The following ARHGAP26 variants were observed in gnomAD, a reference collection of about 807,000 sequenced individuals.
The protein encoded by ARHGAP26 is rho GTPase-activating protein 26.
ARHGAP26 carries 38 observed loss-of-function variants against 104.8 expected under a neutral mutation model. The observed-to-expected ratio is 0.36, with a 90% CI of 0.28 to 0.48. The LOEUF (loss-of-function observed/expected upper bound fraction) is 0.48, where lower values mean the gene tolerates loss of function less well. Among genes scored for constraint, ARHGAP26 ranks in the 20% least tolerant of loss-of-function variants. The probability of loss-of-function intolerance (pLI) is 0.99; values close to 1 mark genes in which losing one functional copy is unlikely to be tolerated. For missense variants in ARHGAP26, 704 were observed against 947.9 expected, an observed-to-expected ratio of 0.74 and a Z score of 3.38; for synonymous variants, 341 against 340.0, an observed-to-expected ratio of 1.00 and a Z score of -0.03.
chr5:143,113,211 C>CT (rs567743382), intron 17 of ARHGAP26, among the ~76,000 whole-genome samples: 124 of 152,256 alleles, frequency 8.1e-4, no homozygotes, highest in African/African-American at 2.5e-3. Context: ...GGTATCTTGT[C>CT]TTTTTTTAAG....
intron 11 of ARHGAP26, among the ~76,000 whole-genome samples, chr5:142,977,185 G>A (rs996201901): frequency 6.6e-6 from 1 of 152,208 alleles, no homozygotes; most frequent in African/African-American, 2.4e-5. Flanking sequence ...AAGAACAGAT[G>A]TTCCTCATAA....
At chr5:142,870,797 G>T (rs1020328633) in intron 1 of ARHGAP26, among the ~76,000 whole-genome samples, 3 of 152,098 alleles carry the variant, frequency 2.0e-5, no homozygotes, top group Non-Finnish European at 4.4e-5. Context: ...GCTGGAACTT[G>T]AACCCAGGAG....
chr5:143,000,748 G>A (rs1257425516), intron 11 of ARHGAP26, among the ~76,000 whole-genome samples: 2 of 152,188 alleles, frequency 1.3e-5, no homozygotes, highest in African/African-American at 4.8e-5. Flanking sequence ...AAAGCTGGAA[G>A]CCATCATTCT....
chr5:143,157,350 T>C (rs988821925), intron 20 of ARHGAP26, among the ~76,000 whole-genome samples: 2 of 152,034 alleles, frequency 1.3e-5, no homozygotes, highest in South Asian at 4.1e-4. Context: ...CTAATTTTTA[T>C]ATGTTTTGGC....
intron 22 of ARHGAP26, 93 bp from the exon 23 acceptor site, chr5:143,222,254 CACACACACACA>C (rs1420820211): frequency 9.9e-6 from 1 of 101,520 alleles, no homozygotes; most frequent in Non-Finnish European, 1.3e-5. Flanking sequence ...CATACACACA[CACACACACACA>C]CACACACACA....
intron 11 of ARHGAP26, among the ~76,000 whole-genome samples, chr5:142,949,566 G>A (rs1205336537): frequency 6.6e-6 from 1 of 152,044 alleles, no homozygotes; most frequent in Non-Finnish European, 1.5e-5. Context: ...TTTTTCTTTG[G>A]CTCAAGACTT....
chr5:142,993,283 C>A (rs1417324816), intron 11 of ARHGAP26, among the ~76,000 whole-genome samples: 3 of 151,640 alleles, frequency 2.0e-5, no homozygotes, highest in African/African-American at 7.3e-5. Flanking sequence ...CATTCTCCTG[C>A]CTCAGCCTCC....
At chr5:143,037,891 CCA>C (rs1311294951) in intron 13 of ARHGAP26, among the ~76,000 whole-genome samples, 2 of 152,208 alleles carry the variant, frequency 1.3e-5, no homozygotes, top group Non-Finnish European at 2.9e-5. Flanking sequence ...TCCCTGGGGA[CCA>C]CCCAGGTAGA....
intron 17 of ARHGAP26, among the ~76,000 whole-genome samples, chr5:143,107,739 C>A (rs1794216025): frequency 6.6e-6 from 1 of 152,160 alleles, no homozygotes; most frequent in South Asian, 2.1e-4. Flanking sequence ...GTCTTTGTTA[C>A]CAGACACGAT....
chr5:143,213,690 G>A (rs531023307), intron 21 of ARHGAP26, among the ~76,000 whole-genome samples: 4 of 152,262 alleles, frequency 2.6e-5, no homozygotes, highest in Admixed American at 2.6e-4. Flanking sequence ...CCAAAAATGG[G>A]GCCCAGCCTG....
chr5:143,068,315 C>G (rs1000898273), intron 17 of ARHGAP26, among the ~76,000 whole-genome samples: 4 of 152,318 alleles, frequency 2.6e-5, no homozygotes, highest in Admixed American at 2.0e-4. Flanking sequence ...TTCTCTAGGC[C>G]ATTTCTTCTC....
chr5:142,894,225 AT>A lies in ARHGAP26; in HGVS notation c.487-12del, dbSNP rs1004233680. ...TGACTTGATTTTTCTCTTAAATTCC[AT>A]CTTGTTTGTAGGCAGACAGCCAAGT... On this transcript the variant is annotated splice_polypyrimidine_tract_variant and intron_variant, in intron 5 of 22. Transcript: ENST00000645722. 6.2e-7 allele frequency: 1 copy of A among 1,611,202 alleles called. No individual in the cohort carries two copies. Among genetic ancestry groups the A allele is most frequent in the Non-Finnish European group, 8.5e-7 (1 of 1,177,910 alleles).
intron 1 of ARHGAP26, among the ~76,000 whole-genome samples, chr5:142,828,646 A>G (rs1400157332): frequency 2.6e-5 from 4 of 152,208 alleles, no homozygotes; most frequent in Non-Finnish European, 5.9e-5. Flanking sequence ...TTTTGCCCCC[A>G]TGAGGCATCA....
intron 17 of ARHGAP26, among the ~76,000 whole-genome samples, chr5:143,110,083 C>T (rs1794584460): frequency 1.3e-5 from 2 of 152,224 alleles, no homozygotes; most frequent in Non-Finnish European, 2.9e-5. Flanking sequence ...GCTCCCTTCC[C>T]AGATGTCCTC....
intron 20 of ARHGAP26, among the ~76,000 whole-genome samples, chr5:143,150,424 T>C (rs1424873180): frequency 6.6e-6 from 1 of 152,192 alleles, no homozygotes; most frequent in Non-Finnish European, 1.5e-5. Context: ...CAACTGAATA[T>C]GTGGTGAGTG....
At chr5:143,152,355 G>A (rs1021322697) in intron 20 of ARHGAP26, among the ~76,000 whole-genome samples, 5 of 152,146 alleles carry the variant, frequency 3.3e-5, no homozygotes, top group Admixed American at 2.0e-4. Flanking sequence ...AAACTTTCAT[G>A]CAATTTTTCT....
intron 11 of ARHGAP26, among the ~76,000 whole-genome samples, chr5:142,960,185 A>G (rs539295676): frequency 6.6e-6 from 1 of 152,388 alleles, no homozygotes; most frequent in African/African-American, 2.4e-5. Flanking sequence ...ATAAAAGCAC[A>G]GTGATCTGGG....
At chr5:142,983,802 T>C (rs1308260708) in intron 11 of ARHGAP26, among the ~76,000 whole-genome samples, 1 of 152,228 alleles carries the variant, frequency 6.6e-6, no homozygotes, top group Non-Finnish European at 1.5e-5. Flanking sequence ...TGTTTATATA[T>C]ATCTAGACAC....
At chr5:143,183,582 A>G (rs1804710796) in intron 20 of ARHGAP26, among the ~76,000 whole-genome samples, 1 of 152,088 alleles carries the variant, frequency 6.6e-6, no homozygotes, top group Admixed American at 6.5e-5. Flanking sequence ...CTTGCAGGCA[A>G]CTCATTTCTT....
Sources: gnomAD v4.1 joint callset for allele counts (sites outside exome capture counted in the v4.1 genomes callset) on GRCh38, gnomAD v4.1.1 for gene constraint, MANE v1.5 for transcripts, NCBI Gene and HGNC (gene_info 2026-07-23, HGNC 2026-07-21) for gene names.